TNNI3K: variants seen among roughly 807,000 people sequenced by gnomAD.
TNNI3K encodes the protein TNNI3 interacting kinase.
TNNI3K carries 140 observed loss-of-function variants against 114.5 expected under a neutral mutation model. The ratio of observed to expected loss-of-function variants is 1.22; its 90% CI spans 1.07 to 1.41. TNNI3K has a LOEUF of 1.41. TNNI3K is among the 40% of genes most tolerant of loss of function. The pLI is 0.00. For synonymous variants in TNNI3K, 347 were observed against 347.5 expected (o/e 1.00, Z 0.02); for missense variants, 1,125 against 1,007.6 (o/e 1.12, Z -1.58).
intron 21 of TNNI3K, chr1:74,465,044 C>G: frequency 9.6e-7 from 1 of 1,044,902 alleles, no homozygotes; most frequent in South Asian, 4.0e-5. Context: ...CAGTGTGAAC[C>G]TCAGAAAAAG....
At chr1:74,306,093 G>A (rs1162483787) in intron 5 of TNNI3K, among the ~76,000 whole-genome samples, 1 of 152,098 alleles carries the variant, frequency 6.6e-6, no homozygotes, top group Non-Finnish European at 1.5e-5. Flanking sequence ...CCTCTTATAA[G>A]TGAGTACATG....
intron 21 of TNNI3K, chr1:74,470,889 A>C (rs1667894058): frequency 2.5e-6 from 1 of 400,614 alleles, no homozygotes; most frequent in African/African-American, 2.1e-5. Context: ...TCTTTGATAC[A>C]TTCTGTCCCA....
At chr1:74,355,446 A>C (rs533786452) in intron 11 of TNNI3K, among the ~76,000 whole-genome samples, 1 of 152,194 alleles carries the variant, frequency 6.6e-6, no homozygotes, top group East Asian at 1.9e-4. Context: ...TCTACTAAAA[A>C]TACAAAAAGT....
intron 17 of TNNI3K, among the ~76,000 whole-genome samples, chr1:74,435,073 A>T (rs1176845553): frequency 6.6e-6 from 1 of 152,054 alleles, no homozygotes; most frequent in South Asian, 2.1e-4. Flanking sequence ...ATCCAGTGGC[A>T]ATCTCCTAAT....
intron 21 of TNNI3K, chr1:74,480,202 G>A: frequency 1.4e-6 from 1 of 717,484 alleles, no homozygotes; most frequent in South Asian, 1.5e-5. Flanking sequence ...CTGGGAGGAG[G>A]GGACTTCTGT....
intron 7 of TNNI3K, among the ~76,000 whole-genome samples, chr1:74,336,979 G>C (rs931969759): frequency 1.3e-5 from 2 of 151,638 alleles, no homozygotes; most frequent in African/African-American, 4.9e-5. Context: ...GTGTAAAAGT[G>C]TTCCTATTTC....
intron 21 of TNNI3K, chr1:74,480,940 G>A (rs1414538740): frequency 1.4e-6 from 1 of 716,638 alleles, no homozygotes; most frequent in South Asian, 1.5e-5. Flanking sequence ...CATCGGTGAT[G>A]ATTAAAACCC....
chr1:74,462,844 TTCAA>T (rs1385652282), intron 20 of TNNI3K, among the ~76,000 whole-genome samples: 1 of 152,202 alleles, frequency 6.6e-6, no homozygotes, highest in African/African-American at 2.4e-5. Context: ...CACGACAGAC[TTCAA>T]TCAATGAGTA....
At chr1:74,406,784 A>T (rs1351689562) in intron 17 of TNNI3K, among the ~76,000 whole-genome samples, 1 of 152,220 alleles carries the variant, frequency 6.6e-6, no homozygotes, top group African/African-American at 2.4e-5. Flanking sequence ...ATCTACTAAG[A>T]AAACAGAAAC....
chr1:74,469,333 A>G (rs1205187781), intron 21 of TNNI3K: 1 of 152,616 alleles, frequency 6.6e-6, no homozygotes, highest in Non-Finnish European at 1.5e-5. Flanking sequence ...CAACAGGACA[A>G]TTGCAAATGT....
At chr1:74,325,415 C>A (rs1285663040) in intron 5 of TNNI3K, among the ~76,000 whole-genome samples, 4 of 152,122 alleles carry the variant, frequency 2.6e-5, no homozygotes, top group Non-Finnish European at 5.9e-5. Context: ...GATTGTCATA[C>A]ATGGCAGGTA....
At chr1:74,344,037 G>A (rs1343912949) in intron 9 of TNNI3K, among the ~76,000 whole-genome samples, 2 of 152,114 alleles carry the variant, frequency 1.3e-5, no homozygotes, top group Non-Finnish European at 2.9e-5. Context: ...TTGTATTTGA[G>A]GCTAATTTGT....
intron 5 of TNNI3K, among the ~76,000 whole-genome samples, chr1:74,323,733 A>T (rs1223576715): frequency 6.6e-6 from 1 of 152,158 alleles, no homozygotes; most frequent in Non-Finnish European, 1.5e-5. Flanking sequence ...AGAGCAAAAT[A>T]TCTATAGCTA....
At chr1:74,475,896 G>T (rs1466167220) in intron 21 of TNNI3K, 6 of 514,550 alleles carry the variant, frequency 1.2e-5, no homozygotes, top group Non-Finnish European at 2.1e-5. Context: ...AAATATAAAG[G>T]TTAATGGCTT....
At chr1:74,423,612 G>A (rs939805096) in intron 17 of TNNI3K, among the ~76,000 whole-genome samples, 1 of 152,068 alleles carries the variant, frequency 6.6e-6, no homozygotes, top group Admixed American at 6.6e-5. Flanking sequence ...AATGAGATGA[G>A]GCATTCAAAA....
At chr1:74,516,282 T>G (rs2100396858) in intron 23 of TNNI3K, among the ~76,000 whole-genome samples, 1 of 152,358 alleles carries the variant, frequency 6.6e-6, no homozygotes, top group Middle Eastern at 3.4e-3. Context: ...TGTTCACTCA[T>G]CTGCTCAATC....
chr1:74,537,792 G>A (rs746454128), intron 23 of TNNI3K, among the ~76,000 whole-genome samples: 3 of 152,132 alleles, frequency 2.0e-5, no homozygotes, highest in Non-Finnish European at 2.9e-5. Context: ...GAAGAGGTTA[G>A]TGCTGACTGG....
intron 17 of TNNI3K, among the ~76,000 whole-genome samples, chr1:74,379,897 TTC>T (rs1433890546): frequency 6.6e-6 from 1 of 152,160 alleles, no homozygotes; most frequent in Non-Finnish European, 1.5e-5. Flanking sequence ...AATGTTGTTC[TTC>T]TCTCATCTGC....
intron 11 of TNNI3K, among the ~76,000 whole-genome samples, chr1:74,359,291 GTC>G (rs1458495335): frequency 2.6e-5 from 4 of 152,052 alleles, no homozygotes; most frequent in Non-Finnish European, 4.4e-5. Context: ...ACATAACAGA[GTC>G]TCAATAAGAA....
Sources: allele counts gnomAD v4.1 joint callset (sites outside exome capture counted in the v4.1 genomes callset), GRCh38; gene constraint gnomAD v4.1.1; transcripts MANE v1.5; gene names NCBI Gene and HGNC (gene_info 2026-07-23, HGNC 2026-07-21).